FUBP3: variants seen among roughly 807,000 people sequenced by gnomAD.
FUBP3 encodes far upstream element binding protein 3, also known as far upstream element-binding protein 3.
A neutral mutation model predicts 85.6 loss-of-function variants in FUBP3; 28 were observed. That is an observed-to-expected ratio of 0.33 (90% CI 0.24 to 0.45). The LOEUF (loss-of-function observed/expected upper bound fraction) is 0.45, where lower values mean the gene tolerates loss of function less well. Ranked by LOEUF, FUBP3 falls within the 20% of genes least tolerant of loss-of-function variation. FUBP3 has a pLI of 1.00. For synonymous variants in FUBP3, 271 were observed against 271.4 expected (o/e 1.00, Z 0.01); for missense variants, 583 against 755.1 (o/e 0.77, Z 2.67).
chr9:130,598,300 C>T (rs987182568), intron 2 of FUBP3, among the ~76,000 whole-genome samples: 1 of 152,176 alleles, frequency 6.6e-6, no homozygotes, highest in African/African-American at 2.4e-5. Flanking sequence ...GCAGCAGATA[C>T]CTGCTCACTG....
rs368455372 is a variant in FUBP3, at chr9:130,623,517, C to T, written c.875-94C>T. The T allele has an allele frequency of 4.9e-4, 407 of 830,100 alleles. No homozygotes were observed. The African/African-American group carries it at 6.0e-3, about 12-fold the overall frequency. The allele number at this position is 830,100 out of a possible 1,614,324, so 51.4% of individuals were successfully genotyped here. A position where few individuals can be genotyped will look rare whatever the true frequency, so the allele number is the denominator to read the frequency against. On this transcript the variant is annotated intron_variant, in intron 10 of 18. Coordinates refer to ENST00000319725, the MANE Select transcript of FUBP3 (RefSeq NM_003934.2). ...GTATTCCTGTTGCCCCTTTTGGCAC[C>T]GCGGGTGAGAATATTGATTGGGAAT... is the stretch of plus-strand genomic sequence containing the variant.
intron 2 of FUBP3, among the ~76,000 whole-genome samples, chr9:130,600,662 A>C (rs1250673140): frequency 6.6e-6 from 1 of 151,892 alleles, no homozygotes; most frequent in Non-Finnish European, 1.5e-5. Flanking sequence ...AAGCTTTTTT[A>C]TAAAGGACCT....
intron 2 of FUBP3, among the ~76,000 whole-genome samples, chr9:130,609,036 G>A (rs950475359): frequency 2.0e-5 from 3 of 152,136 alleles, no homozygotes; most frequent in African/African-American, 7.2e-5. Flanking sequence ...ATTTCTGAAT[G>A]CCCTTTTTAG....
In FUBP3 at chr9:130,635,816, CAA is replaced by C. The variant is rs1004009436; in HGVS notation, c.1583-182_1583-181del. Reference sequence around the variant, plus strand: ...CACAGGCATAGCAGGGGCCGGGCAACAAGAGGCTAACAGCACCTTTTGTAGCA... The same window carrying C: ...CACAGGCATAGCAGGGGCCGGGCAACGAGGCTAACAGCACCTTTTGTAGCA... On this transcript the variant is annotated intron_variant, in intron 17 of 18. Coordinates refer to ENST00000319725, the MANE Select transcript of FUBP3 (RefSeq NM_003934.2). This position sits in a 1 kb window ranked among gnomAD's most constrained non-coding sequence, Gnocchi z 4.3. The C allele has an allele frequency of 5.5e-5, 34 of 616,252 alleles. No individual in the cohort carries two copies. The African/African-American group carries it at 5.9e-4, about 11-fold the overall frequency. 38.2% of individuals were successfully genotyped at this position (616,252 alleles called of 1,614,324 possible).
intron 2 of FUBP3, among the ~76,000 whole-genome samples, chr9:130,609,409 A>G (rs1193976988): frequency 8.5e-6 from 1 of 118,040 alleles, no homozygotes; most frequent in Admixed American, 1.2e-4. Context: ...AGGAGGCTGG[A>G]TCCTCTCCTT....
intron 5 of FUBP3, 72 bp downstream of exon 5, chr9:130,613,099 CT>C: frequency 2.1e-6 from 2 of 950,576 alleles, no homozygotes; most frequent in East Asian, 2.5e-5. Flanking sequence ...AGATTCGGTA[CT>C]TTGCTTGTTG....
At chr9:130,627,240 C>T (rs1234595629) in intron 12 of FUBP3, among the ~76,000 whole-genome samples, 3 of 152,242 alleles carry the variant, frequency 2.0e-5, no homozygotes, top group Non-Finnish European at 2.9e-5. Flanking sequence ...CCCAGTGTAG[C>T]AGCAGGGCTC....
intron 9 of FUBP3, 42 bp downstream of exon 9, chr9:130,620,500 C>G (rs549252560): frequency 5.1e-6 from 5 of 981,412 alleles, no homozygotes; most frequent in Non-Finnish European, 7.9e-6. Flanking sequence ...GAGATGAGGA[C>G]TAAAGTTGTA....
In FUBP3 at chr9:130,636,121, A is replaced by G; in HGVS notation, c.1705A>G (p.Ser569Gly). 2 of 1,613,186 alleles carry G rather than the reference A, an allele frequency of 1.2e-6. No homozygotes were observed. Among genetic ancestry groups the G allele is most frequent in the Non-Finnish European group, 1.7e-6 (2 of 1,179,824 alleles). Residue 569 changes from serine to glycine, a missense_variant, in exon 18 of 19, where the codon AGC becomes GGC. By Grantham distance (56) the Ser-to-Gly change is moderately conservative (BLOSUM62 0). Coordinates refer to ENST00000319725, the MANE Select transcript of FUBP3 (RefSeq NM_003934.2). ...GACGTTAGGGCAGGCGCAGGCCCAC[A>G]GCCAGGTCTGTAGCTGATCACCAGC... ...GQTLGQAQAH[S>G]QEQ
intron 15 of FUBP3, 42 bp from the exon 16 acceptor site, chr9:130,632,160 C>G (rs1830239275): frequency 6.5e-7 from 1 of 1,544,756 alleles, no homozygotes; most frequent in Admixed American, 1.7e-5. Flanking sequence ...ACAGGGGTGA[C>G]TTGCCCCCTA....
rs1017083135 is a variant in FUBP3, at chr9:130,602,597, CAG to C, written c.190+7011_190+7012del. Among the ~76,000 whole-genome samples, 11 of 152,106 alleles carry C rather than the reference CAG, an allele frequency of 7.2e-5. 1 individual carries two copies. Among genetic ancestry groups the C allele is most frequent in the African/African-American group, 2.7e-4 (11 of 41,412 alleles). On this transcript the variant is annotated intron_variant, in intron 2 of 18. Coordinates refer to ENST00000319725, the MANE Select transcript of FUBP3 (RefSeq NM_003934.2). ...ACTCTGGAAAGAGGGAAGTGAATCT[CAG>C]AAGTGTTGATACTTTCCCTGAATGG...
chr9:130,623,096 G>A (rs1248195112), intron 10 of FUBP3, among the ~76,000 whole-genome samples: 1 of 151,856 alleles, frequency 6.6e-6, no homozygotes, highest in Non-Finnish European at 1.5e-5. Flanking sequence ...TAGTATGTCA[G>A]CTTCTGATTT....
intron 3 of FUBP3, among the ~76,000 whole-genome samples, chr9:130,611,917 A>G (rs1831765304): frequency 6.6e-6 from 1 of 152,198 alleles, no homozygotes; most frequent in African/African-American, 2.4e-5. Flanking sequence ...TCCATCGGAT[A>G]CTGGTTCCAT....
In FUBP3 at chr9:130,636,863, C is replaced by G. The variant is rs1441847133; in HGVS notation, c.1711-151C>G. 3 of 685,058 alleles carry G rather than the reference C, an allele frequency of 4.4e-6. No individual in the cohort carries two copies. The East Asian group carries it at 7.9e-5, about 18-fold the overall frequency. The allele number at this position is 685,058 out of a possible 1,614,324, so 42.4% of individuals were successfully genotyped here. The stretch of plus-strand genomic sequence containing the variant: ...TCCCACTGTCCGCTCTTCCCTGCCC[C>G]AAGTCCCTAGTGGAGAGAGAAGCCC... On this transcript the variant is annotated intron_variant, in intron 18 of 18. Transcript: ENST00000319725.
chr9:130,595,659 C>CATT (rs1194960292), intron 2 of FUBP3, 71 bp downstream of exon 2: 3 of 770,856 alleles, frequency 3.9e-6, no homozygotes, highest in Non-Finnish European at 7.2e-6. Flanking sequence ...ATTTGTCAGC[C>CATT]ATTACCTTAA....
chr9:130,594,112 G>A (rs1481614405), intron 1 of FUBP3, among the ~76,000 whole-genome samples: 2 of 152,060 alleles, frequency 1.3e-5, no homozygotes, highest in East Asian at 1.9e-4. Context: ...AAAGTTTATA[G>A]GATGGGTGTA....
intron 5 of FUBP3, among the ~76,000 whole-genome samples, chr9:130,613,238 C>T (rs546244123): frequency 6.6e-6 from 1 of 152,330 alleles, no homozygotes; most frequent in South Asian, 2.1e-4. Context: ...CTGGGGTAAA[C>T]CCTCCCTCAG....
chr9:130,592,681 C>A (rs1830682025), intron 1 of FUBP3, among the ~76,000 whole-genome samples: 1 of 151,784 alleles, frequency 6.6e-6, no homozygotes. Context: ...GTAGCCGGGA[C>A]TACAGGAATG....
intron 18 of FUBP3, 21 bp downstream of exon 18, chr9:130,636,147 A>G: frequency 6.2e-7 from 1 of 1,609,040 alleles, no homozygotes; most frequent in Non-Finnish European, 8.5e-7. Context: ...GATCACCAGC[A>G]CCGCTGCCAC....
Sources: gnomAD v4.1 joint callset for allele counts (sites outside exome capture counted in the v4.1 genomes callset) on GRCh38, gnomAD v4.1.1 for gene constraint, Gnocchi (gnomAD v3.1) non-coding constraint, MANE v1.5 for transcripts, NCBI Gene and HGNC (gene_info 2026-07-23, HGNC 2026-07-21) for gene names.